The following RANBP10 variants were observed in gnomAD, a reference collection of about 807,000 sequenced individuals.
RANBP10 encodes ran-binding protein 10.
A neutral mutation model predicts 72.8 loss-of-function variants in RANBP10; 24 were observed. The ratio of observed to expected loss-of-function variants is 0.33; its 90% CI spans 0.24 to 0.46. The LOEUF is 0.46. RANBP10 is among the 20% of genes least tolerant of loss of function. The pLI is 1.00. For missense variants in RANBP10, 679 were observed against 817.5 expected (o/e 0.83, Z 2.07); for synonymous variants, 310 against 322.3 (o/e 0.96, Z 0.41).
intron 5 of RANBP10, among the ~76,000 whole-genome samples, chr16:67,736,274 G>A (rs1467914195): frequency 6.6e-6 from 1 of 151,934 alleles, no homozygotes; most frequent in Admixed American, 6.6e-5. Context: ...CAATTCTCTT[G>A]CCTCAGCCTC....
chr16:67,806,213 G>T, intron 1 of RANBP10, 89 bp downstream of exon 1: 1 of 1,277,740 alleles, frequency 7.8e-7, no homozygotes, highest in Non-Finnish European at 1.1e-6. Flanking sequence ...CCTAGGCAGG[G>T]AAAGGGAGGT....
chr16:67,758,573 G>A (rs868834461), intron 3 of RANBP10, among the ~76,000 whole-genome samples: 1 of 152,156 alleles, frequency 6.6e-6, no homozygotes, highest in African/African-American at 2.4e-5. Flanking sequence ...GGAAGGCAGG[G>A]GACTGAATGG....
At position 67,791,040 on chromosome 16, in the gene RANBP10, G is replaced by A. The variant is rs552943446; in HGVS notation, c.347+14388C>T. Among the ~76,000 whole-genome samples, 8 of 147,558 alleles carry A rather than the reference G, an allele frequency of 5.4e-5. No individual in the cohort carries two copies. The South Asian group carries it at 1.5e-3, about 28-fold the overall frequency. On this transcript the variant is annotated intron_variant, in intron 2 of 13. Transcript: ENST00000317506. ...TCTTTTTTTTTTTTTTTGAGACAGA[G>A]TCTCGCTCTGTCGCCCAGGCTGGAG...
chr16:67,780,150 T>G (rs2054784011), intron 2 of RANBP10, among the ~76,000 whole-genome samples: 1 of 152,026 alleles, frequency 6.6e-6, no homozygotes, highest in Non-Finnish European at 1.5e-5. Flanking sequence ...GACAATCACT[T>G]GAACCCGGGA....
At chr16:67,780,529 T>C (rs1208200399) in intron 2 of RANBP10, among the ~76,000 whole-genome samples, 2 of 152,032 alleles carry the variant, frequency 1.3e-5, no homozygotes, top group East Asian at 1.9e-4. Context: ...GGGAAGATCA[T>C]TGGAAGCCAG....
rs971258851 is a variant in RANBP10 at position 67,726,048 on chromosome 16, T to C, written c.*380A>G. The C allele has an allele frequency of 9.1e-5, 17 of 186,340 alleles. No individual in the cohort carries two copies. The highest frequency in any genetic ancestry group is 4.1e-4 in the African/African-American group (17 of 41,760). The allele number at this position is 186,340 out of a possible 1,614,324, so 11.5% of individuals were successfully genotyped here. ...CTATCACCAACTTGGATAGGCTTCA[T>C]CACTAAATTAGCAGAAACCAGCTCA... On this transcript the variant is annotated 3_prime_UTR_variant, in exon 14 of 14. Transcript: ENST00000317506.
chr16:67,754,311 G>A (rs1440593229), intron 3 of RANBP10, among the ~76,000 whole-genome samples: 1 of 152,140 alleles, frequency 6.6e-6, no homozygotes. Flanking sequence ...GTCCGTGATG[G>A]GGAACACTCA....
In RANBP10 at chr16:67,737,899, T is replaced by C. The variant is rs976764287; in HGVS notation, c.591+114A>G. The C allele has an allele frequency of 2.9e-6, 4 of 1,365,544 alleles. No homozygotes were observed. In the East Asian group the frequency reaches 1.0e-4, roughly 34 times the overall value. The allele number at this position is 1,365,544 out of a possible 1,614,324, so 84.6% of individuals were successfully genotyped here. On this transcript the variant is annotated intron_variant, in intron 5 of 13. Transcript: ENST00000317506. ...CCTCAAGCTGACAGCATGGCACACA[T>C]CCCTGGTTGGGGAAAGAACCAGACT...
intron 2 of RANBP10, among the ~76,000 whole-genome samples, chr16:67,792,210 A>G (rs1171400207): frequency 1.3e-5 from 2 of 151,386 alleles, no homozygotes; most frequent in Non-Finnish European, 3.0e-5. Flanking sequence ...TTTGCTACTA[A>G]GAGGAAGGGC....
Position 67,806,342 on chromosome 16 carries a change from G to A in RANBP10, c.195C>T (p.Tyr65=). The A allele has an allele frequency of 1.2e-6, 2 of 1,613,622 alleles. No individual in the cohort carries two copies. The highest frequency in any genetic ancestry group is 1.7e-6 in the Non-Finnish European group (2 of 1,179,788). Residue 65 remains tyrosine, a synonymous_variant, in exon 1 of 14, where the codon TAC becomes TAT. Coordinates refer to ENST00000317506, the MANE Select transcript of RANBP10 (RefSeq NM_020850.3). ...RSWSPKDKYN[Y]IGLSQGNLRV... ...GGAGGTTGCCCTGGGAGAGACCAATGTAGTTGTATTTGTCCTTGGGGCTCC... is the reference window on the plus strand; with the variant it reads ...GGAGGTTGCCCTGGGAGAGACCAATATAGTTGTATTTGTCCTTGGGGCTCC...
At chr16:67,790,050 C>T (rs527915525) in intron 2 of RANBP10, among the ~76,000 whole-genome samples, 7 of 150,988 alleles carry the variant, frequency 4.6e-5, no homozygotes, top group Admixed American at 1.3e-4. Context: ...GAGCCGAGAT[C>T]GCACCACTGC....
rs1336819792 is a variant in RANBP10 at position 67,727,426 on chromosome 16, G to A, written c.1633C>T (p.Leu545=). The A allele has an allele frequency of 6.2e-7, 1 of 1,613,594 alleles. No individual in the cohort carries two copies. Among genetic ancestry groups the A allele is most frequent in the East Asian group, 2.2e-5 (1 of 44,872 alleles). The change falls in exon 13 of 14, where the codon CTG becomes TTG. Residue 545 remains leucine (L), a synonymous_variant. Coordinates refer to ENST00000317506, the MANE Select transcript of RANBP10 (RefSeq NM_020850.3). The stretch of plus-strand genomic sequence containing the variant: ...CTCCAGGGGTCTGAGTATGCCAGCA[G>A]GCTGAAGGCATCCTACAGGACAGGG... ...HTEMLQDAFS[L]LAYSDPWSCP...
At chr16:67,733,040 C>T (rs1470913766) in intron 6 of RANBP10, among the ~76,000 whole-genome samples, 2 of 117,966 alleles carry the variant, frequency 1.7e-5, no homozygotes, top group African/African-American at 3.4e-5. Flanking sequence ...GGCGACAAAG[C>T]GAGACTCCAT....
chr16:67,754,391 T>C (rs1186577888), intron 3 of RANBP10, among the ~76,000 whole-genome samples: 2 of 152,304 alleles, frequency 1.3e-5, no homozygotes, highest in African/African-American at 4.8e-5. Flanking sequence ...GTTGTCCTGA[T>C]ACATACAATG....
chr16:67,742,941 G>C (rs2053997347), intron 4 of RANBP10, among the ~76,000 whole-genome samples: 1 of 152,238 alleles, frequency 6.6e-6, no homozygotes, highest in Admixed American at 6.5e-5. Flanking sequence ...ACTGCAGCCA[G>C]GTGGTCATCA....
chr16:67,769,633 C>A (rs2054572149), intron 3 of RANBP10, among the ~76,000 whole-genome samples: 1 of 148,396 alleles, frequency 6.7e-6, no homozygotes, highest in Non-Finnish European at 1.5e-5. Context: ...GTAATCCCAG[C>A]TACTCCGGAG....
At chr16:67,785,090 T>G (rs898804062) in intron 2 of RANBP10, among the ~76,000 whole-genome samples, 1 of 151,778 alleles carries the variant, frequency 6.6e-6, no homozygotes, top group Admixed American at 6.6e-5. Flanking sequence ...CAGGTGCCTA[T>G]AATCCTAGCT....
intron 3 of RANBP10, among the ~76,000 whole-genome samples, chr16:67,753,263 C>T (rs555912417): frequency 1.1e-4 from 16 of 151,274 alleles, no homozygotes; most frequent in African/African-American, 3.6e-4. Flanking sequence ...CCCAGCACTT[C>T]GGGAGGCCAA....
intron 2 of RANBP10, among the ~76,000 whole-genome samples, chr16:67,797,039 C>A (rs1242664686): frequency 6.6e-6 from 1 of 152,148 alleles, no homozygotes; most frequent in African/African-American, 2.4e-5. Flanking sequence ...TTATTCCTTC[C>A]CAATGGTCCC....
Sources: allele counts gnomAD v4.1 joint callset (sites outside exome capture counted in the v4.1 genomes callset), GRCh38; gene constraint gnomAD v4.1.1; transcripts MANE v1.5; gene names NCBI Gene and HGNC (gene_info 2026-07-23, HGNC 2026-07-21).